The following BCAS3 variants were observed in gnomAD, a reference collection of about 807,000 sequenced individuals.
BCAS3 encodes BCAS4/BCAS3 fusion.
Under a neutral mutation model 116.1 loss-of-function variants are expected in BCAS3, and 53 were observed. The observed-to-expected ratio is 0.46, with a 90% CI of 0.37 to 0.57. BCAS3 has a LOEUF of 0.57. Ranked by LOEUF, BCAS3 falls within the 20% of genes least tolerant of loss-of-function variation. The pLI is 0.00. For missense variants in BCAS3, 917 were observed against 1,165.4 expected, an observed-to-expected ratio of 0.79 and a Z score of 3.10; for synonymous variants, 391 against 408.2, an observed-to-expected ratio of 0.96 and a Z score of 0.51.
At chr17:61,165,281 T>C (rs1395540927) in intron 22 of BCAS3, among the ~76,000 whole-genome samples, 2 of 152,224 alleles carry the variant, frequency 1.3e-5, no homozygotes, top group African/African-American at 4.8e-5. Context: ...GCCAGATCCT[T>C]TCCTAAAAGG....
At chr17:60,736,721 T>C (rs1009028695) in intron 5 of BCAS3, among the ~76,000 whole-genome samples, 1 of 152,124 alleles carries the variant, frequency 6.6e-6, no homozygotes, top group African/African-American at 2.4e-5. Context: ...ATTCAAGTTG[T>C]CTATTTATTG....
At chr17:61,015,715 C>G in intron 15 of BCAS3, 36 bp from the exon 16 acceptor site, 1 of 1,608,894 alleles carries the variant, frequency 6.2e-7, no homozygotes, top group Non-Finnish European at 8.5e-7. Flanking sequence ...AGAGAACCTT[C>G]CTCAGTGATG....
chr17:60,936,511 C>T (rs931625571), intron 13 of BCAS3, among the ~76,000 whole-genome samples: 1 of 152,156 alleles, frequency 6.6e-6, no homozygotes, highest in Non-Finnish European at 1.5e-5. Flanking sequence ...CACATCCTCT[C>T]CAGCACCTGT....
intron 2 of BCAS3, among the ~76,000 whole-genome samples, chr17:60,680,316 G>T (rs2032848696): frequency 6.6e-6 from 1 of 152,084 alleles, no homozygotes; most frequent in Non-Finnish European, 1.5e-5. Flanking sequence ...TACATGTGCA[G>T]GTTTGTTATA....
At chr17:60,910,226 T>C (rs2058419930) in intron 11 of BCAS3, among the ~76,000 whole-genome samples, 1 of 152,208 alleles carries the variant, frequency 6.6e-6, no homozygotes, top group Non-Finnish European at 1.5e-5. Context: ...GAAAGAAATA[T>C]CTTCTATAAA....
intron 22 of BCAS3, among the ~76,000 whole-genome samples, chr17:61,345,951 G>A (rs555419971): frequency 3.3e-5 from 5 of 152,208 alleles, no homozygotes; most frequent in Admixed American, 2.6e-4. Context: ...AATTGTAGAC[G>A]ATGAGTGAGT....
intron 6 of BCAS3, among the ~76,000 whole-genome samples, chr17:60,771,007 G>A (rs543743708): frequency 3.6e-4 from 55 of 151,622 alleles, no homozygotes; most frequent in Non-Finnish European, 5.9e-4. Context: ...GTAGAGACAG[G>A]GTTTTGCCAT....
chr17:61,392,191 C>A lies in BCAS3; in HGVS notation c.*66C>A, dbSNP rs371247388. ...GCTGGAGGAGGGGAGAAGCCCCGCTCTGGTCCTACCCTTCAGTCTCTGCTC... is the reference window on the plus strand; with the variant it reads ...GCTGGAGGAGGGGAGAAGCCCCGCTATGGTCCTACCCTTCAGTCTCTGCTC... On this transcript the variant is annotated 3_prime_UTR_variant, in exon 24 of 24. Coordinates refer to ENST00000407086, the MANE Select transcript of BCAS3 (RefSeq NM_017679.5). This position sits in a 1 kb window ranked among gnomAD's most constrained non-coding sequence, Gnocchi z 6.4. 1 of 1,539,370 alleles carries A rather than the reference C, an allele frequency of 6.5e-7. No homozygotes were observed. Among genetic ancestry groups the A allele is most frequent in the South Asian group, 1.2e-5 (1 of 83,852 alleles).
Position 60,995,363 on chromosome 17 carries a change from G to T in BCAS3, c.1486+5128G>T, listed in dbSNP as rs571536956. On this transcript the variant is annotated intron_variant, in intron 15 of 23. Transcript: ENST00000407086. This position sits in a 1 kb window ranked among gnomAD's most constrained non-coding sequence, Gnocchi z 4.7. ...AGACAAGGTTTCACTCTGTTGGCCA[G>T]GCTGGTCTTGAACTCCTGACCTCAC... Among the ~76,000 whole-genome samples the T allele has an allele frequency of 6.6e-6, 1 of 152,260 alleles. No homozygotes were observed. The highest frequency in any genetic ancestry group is 2.4e-5 in the African/African-American group (1 of 41,550).
chr17:60,857,829 G>A (rs1004383945), intron 7 of BCAS3, among the ~76,000 whole-genome samples: 1 of 152,192 alleles, frequency 6.6e-6, no homozygotes, highest in African/African-American at 2.4e-5. Context: ...TGTTGAATGA[G>A]AGGTTTTTCT....
intron 22 of BCAS3, among the ~76,000 whole-genome samples, chr17:61,292,271 C>T (rs994305098): frequency 6.6e-6 from 1 of 152,162 alleles, no homozygotes; most frequent in African/African-American, 2.4e-5. Flanking sequence ...TGAACATTCT[C>T]ACAGCAGCTC....
At chr17:61,175,507 A>T (rs1465690316) in intron 22 of BCAS3, among the ~76,000 whole-genome samples, 1 of 152,084 alleles carries the variant, frequency 6.6e-6, no homozygotes, top group Non-Finnish European at 1.5e-5. Flanking sequence ...AGGGCATTAT[A>T]CTCCATGTTT....
intron 9 of BCAS3, among the ~76,000 whole-genome samples, chr17:60,877,173 G>T (rs1043556797): frequency 1.4e-5 from 2 of 147,436 alleles, no homozygotes; most frequent in Admixed American, 6.8e-5. Flanking sequence ...TTTAAGAAAT[G>T]ATATATATAT....
Position 61,186,012 on chromosome 17 carries a change from A to C in BCAS3, c.2425+101448A>C, listed in dbSNP as rs1187085020. ...ACACAGAATTTAGTTTCATCCGTAC[A>C]TTTACTAAATAGTTCCTTAGGAGAG... On this transcript the variant is annotated intron_variant, in intron 22 of 23. Coordinates refer to ENST00000407086, the MANE Select transcript of BCAS3 (RefSeq NM_017679.5). This position sits in a 1 kb window ranked among gnomAD's most constrained non-coding sequence, Gnocchi z 4.9. 2.0e-5 allele frequency among the ~76,000 whole-genome samples: 3 copies of C among 152,200 alleles called. No individual in the cohort carries two copies. Among genetic ancestry groups the C allele is most frequent in the Non-Finnish European group, 4.4e-5 (3 of 68,012 alleles).
At chr17:61,292,175 C>T (rs1275453900) in intron 22 of BCAS3, among the ~76,000 whole-genome samples, 4 of 152,068 alleles carry the variant, frequency 2.6e-5, no homozygotes, top group South Asian at 4.2e-4. Flanking sequence ...CACCCACCCA[C>T]GCCTTCAGGG....
At chr17:61,328,295 T>C (rs2055904935) in intron 22 of BCAS3, among the ~76,000 whole-genome samples, 1 of 152,206 alleles carries the variant, frequency 6.6e-6, no homozygotes, top group African/African-American at 2.4e-5. Context: ...TCTGGGGAAG[T>C]AAACAACAAA....
chr17:61,291,975 A>G (rs575083695), intron 22 of BCAS3, among the ~76,000 whole-genome samples: 1 of 152,308 alleles, frequency 6.6e-6, no homozygotes, highest in Non-Finnish European at 1.5e-5. Context: ...ACAGTTGCTC[A>G]GACCAGCATT....
In BCAS3 at chr17:61,312,524, G is replaced by T. The variant is rs1472573140; in HGVS notation, c.2426-55803G>T. The stretch of plus-strand genomic sequence containing the variant: ...AACAGGCTTTTCTTTAACAGCAGAC[G>T]TTCATGTCTTCTTGCTCCAACTTTT... On this transcript the variant is annotated intron_variant, in intron 22 of 23. Coordinates refer to ENST00000407086, the MANE Select transcript of BCAS3 (RefSeq NM_017679.5). 6.6e-5 allele frequency among the ~76,000 whole-genome samples: 10 copies of T among 152,180 alleles called. No homozygotes were observed. In the South Asian group the frequency reaches 1.7e-3, roughly 25 times the overall value.
intron 7 of BCAS3, among the ~76,000 whole-genome samples, chr17:60,860,758 ATTGT>A (rs2054089944): frequency 6.6e-6 from 1 of 151,934 alleles, no homozygotes; most frequent in African/African-American, 2.4e-5. Flanking sequence ...TTTTTTCCCT[ATTGT>A]TTGTTATCAT....
Sources: gnomAD v4.1 joint callset for allele counts (sites outside exome capture counted in the v4.1 genomes callset) on GRCh38, gnomAD v4.1.1 for gene constraint, Gnocchi (gnomAD v3.1) non-coding constraint, MANE v1.5 for transcripts, NCBI Gene and HGNC (gene_info 2026-07-23, HGNC 2026-07-21) for gene names.